Variants in KLF7 observed in about 807,000 individuals in gnomAD.
KLF7 encodes Krueppel-like factor 7.
KLF7 carries 2 observed loss-of-function variants against 27.3 expected under a neutral mutation model. The ratio of observed to expected loss-of-function variants is 0.07; its 90% CI spans 0.03 to 0.23. KLF7 has a LOEUF of 0.23. Among genes scored for constraint, KLF7 ranks in the 10% least tolerant of loss-of-function variants. KLF7 has a pLI of 1.00. For synonymous variants in KLF7, 165 were observed against 162.4 expected (o/e 1.02, Z -0.12); for missense variants, 221 against 394.1 (o/e 0.56, Z 3.72).
intron 2 of KLF7, among the ~76,000 whole-genome samples, chr2:207,105,398 A>G (rs1473063056): frequency 6.6e-6 from 1 of 152,178 alleles, no homozygotes; most frequent in Non-Finnish European, 1.5e-5. Context: ...CTTGCAAGGT[A>G]GGTGGTGATG....
In KLF7 at chr2:207,149,913, G is replaced by T. The variant is rs192761208; in HGVS notation, c.102+15554C>A. Among the ~76,000 whole-genome samples the T allele has an allele frequency of 1.8e-4, 27 of 152,256 alleles. No homozygotes were observed. The East Asian group carries it at 4.6e-3, about 26-fold the overall frequency. ...GGCTTCCATGGACGTAGACATATAG[G>T]TAAGTCCAGGACTTCCTATCCAGGT... On this transcript the variant is annotated intron_variant, in intron 1 of 3. Transcript: ENST00000309446.
chr2:207,127,565 G>C (rs1040377752), intron 1 of KLF7, among the ~76,000 whole-genome samples: 4 of 152,160 alleles, frequency 2.6e-5, no homozygotes, highest in African/African-American at 9.7e-5. Flanking sequence ...TGACAGGCCG[G>C]GTGCAGTGGC....
chr2:207,166,545 G>A (rs2078717914), upstream of KLF7: 2 of 152,346 alleles, frequency 1.3e-5, no homozygotes, highest in African/African-American at 2.4e-5. Context: ...GGAAGGGGTC[G>A]CGCGTCGCCG....
the KLF7 span, among the ~76,000 whole-genome samples, chr2:207,173,258 C>T: frequency 4.6e-5 from 7 of 152,176 alleles, no homozygotes; most frequent in African/African-American, 7.2e-5. Context: ...TCTCTGTCTT[C>T]ATTCTGTGCT....
At chr2:207,092,321 C>T (rs958119322) in intron 2 of KLF7, among the ~76,000 whole-genome samples, 5 of 152,238 alleles carry the variant, frequency 3.3e-5, no homozygotes, top group East Asian at 1.9e-4. Context: ...AAGGACACCA[C>T]CCAGAGGGTG....
intron 1 of KLF7, among the ~76,000 whole-genome samples, chr2:207,140,270 A>G (rs2077904164): frequency 6.6e-6 from 1 of 152,238 alleles, no homozygotes; most frequent in Non-Finnish European, 1.5e-5. Flanking sequence ...AATACCAAAT[A>G]CATAGAAACT....
At chr2:207,087,045 G>A (rs2076404753) in intron 3 of KLF7, among the ~76,000 whole-genome samples, 1 of 152,228 alleles carries the variant, frequency 6.6e-6, no homozygotes, top group African/African-American at 2.4e-5. Context: ...GGGGAATAAG[G>A]AGAAACTCTC....
intron 2 of KLF7, among the ~76,000 whole-genome samples, chr2:207,111,547 C>T (rs1387046690): frequency 6.6e-6 from 1 of 152,286 alleles, no homozygotes. Context: ...TTCTGTCAAC[C>T]GGTTTGCTTG....
chr2:207,109,052 T>A (rs2076958579), intron 2 of KLF7, among the ~76,000 whole-genome samples: 1 of 152,138 alleles, frequency 6.6e-6, no homozygotes, highest in South Asian at 2.1e-4. Context: ...TTTCAAGGGG[T>A]TCAGAGAAAA....
chr2:207,167,120 C>T (rs747567988), upstream of KLF7: 24 of 1,432,368 alleles, frequency 1.7e-5, no homozygotes, highest in East Asian at 3.0e-5. Flanking sequence ...GCGAGGGGGC[C>T]TTTACGTGAT....
intron 1 of KLF7, among the ~76,000 whole-genome samples, chr2:207,141,158 T>G (rs141114031): frequency 1.8e-4 from 28 of 152,338 alleles, no homozygotes; most frequent in African/African-American, 6.3e-4. Flanking sequence ...AAATTTCTCA[T>G]GACCAAATCT....
chr2:207,138,116 T>C (rs1411857257), intron 1 of KLF7, among the ~76,000 whole-genome samples: 1 of 152,190 alleles, frequency 6.6e-6, no homozygotes, highest in East Asian at 1.9e-4. Context: ...GAGACATTAA[T>C]TTGAATCATC....
chr2:207,126,919 T>C (rs930763236), intron 1 of KLF7, among the ~76,000 whole-genome samples: 3 of 152,136 alleles, frequency 2.0e-5, no homozygotes, highest in Admixed American at 1.3e-4. Flanking sequence ...TGCCTGTGAA[T>C]AGAGTTTTTG....
chr2:207,102,288 A>G (rs925804506), intron 2 of KLF7, among the ~76,000 whole-genome samples: 1 of 152,090 alleles, frequency 6.6e-6, no homozygotes, highest in Non-Finnish European at 1.5e-5. Context: ...TTTTGTCTGT[A>G]CTGAACTCAC....
At chr2:207,160,564 A>T (rs2106140147) in intron 1 of KLF7, among the ~76,000 whole-genome samples, 1 of 149,114 alleles carries the variant, frequency 6.7e-6, no homozygotes, top group East Asian at 2.1e-4. Flanking sequence ...CTTGAGCCAG[A>T]TGGGACTGGC....
chr2:207,087,713 T>C (rs1250697255), intron 3 of KLF7, among the ~76,000 whole-genome samples: 1 of 152,240 alleles, frequency 6.6e-6, no homozygotes, highest in Non-Finnish European at 1.5e-5. Context: ...TATTTGATTA[T>C]GTCTAAACCT....
intron 1 of KLF7, among the ~76,000 whole-genome samples, chr2:207,162,995 T>C (rs1191135557): frequency 6.6e-6 from 1 of 152,192 alleles, no homozygotes; most frequent in African/African-American, 2.4e-5. Flanking sequence ...GTCTCAAAAT[T>C]TCATTATCCG....
Position 207,165,927 on chromosome 2 carries a change from C to A in KLF7, c.-359G>T. ...TGCAAACTCACTGACACGAAGCTGCCATCTATTTCTGCAGCGCTGTTCGCT... is the reference window on the plus strand; with the variant it reads ...TGCAAACTCACTGACACGAAGCTGCAATCTATTTCTGCAGCGCTGTTCGCT... On this transcript the variant is annotated 5_prime_UTR_variant, in exon 1 of 4. The change abolishes an upstream ATG in the 5' untranslated region. Transcript: ENST00000309446. The A allele has an allele frequency of 9.2e-6, 10 of 1,092,564 alleles. No homozygotes were observed. The highest frequency in any genetic ancestry group is 1.1e-5 in the Non-Finnish European group (10 of 894,896). 67.7% of individuals were successfully genotyped at this position (1,092,564 alleles called of 1,614,324 possible). A position where few individuals can be genotyped will look rare whatever the true frequency, so the allele number is the denominator to read the frequency against.
intron 2 of KLF7, among the ~76,000 whole-genome samples, chr2:207,097,962 A>C (rs1161566021): frequency 6.6e-6 from 1 of 152,100 alleles, no homozygotes; most frequent in East Asian, 1.9e-4. Context: ...CAAAACAAAA[A>C]CTCATAACTG....
Sources: gnomAD v4.1 joint callset for allele counts (sites outside exome capture counted in the v4.1 genomes callset) on GRCh38, gnomAD v4.1.1 for gene constraint, MANE v1.5 for transcripts, NCBI Gene and HGNC (gene_info 2026-07-23, HGNC 2026-07-21) for gene names.